SERINC5: variants seen among roughly 807,000 people sequenced by gnomAD.
The protein encoded by SERINC5 is serine incorporator 5.
SERINC5 carries 41 observed loss-of-function variants against 63.1 expected under a neutral mutation model. The observed-to-expected ratio is 0.65, with a 90% CI of 0.51 to 0.84. The LOEUF is 0.84. Among genes scored for constraint, SERINC5 ranks in the 40% least tolerant of loss-of-function variants. The pLI is 0.00. For synonymous variants in SERINC5, 222 were observed against 215.2 expected, an observed-to-expected ratio of 1.03 and a Z score of -0.28; for missense variants, 523 against 573.0, an observed-to-expected ratio of 0.91 and a Z score of 0.89.
intron 1 of SERINC5, among the ~76,000 whole-genome samples, chr5:80,228,591 G>A: frequency 6.6e-6 from 1 of 152,034 alleles, no homozygotes; most frequent in East Asian, 1.9e-4. Flanking sequence ...AAGTACTTAG[G>A]ACTACAGGCA....
At position 80,194,266 on chromosome 5, in the gene SERINC5, A is replaced by G. The variant is rs188524043; in HGVS notation, c.195+8620T>C. 3.7e-3 allele frequency among the ~76,000 whole-genome samples: 516 copies of G among 140,472 alleles called. 5 individuals carry two copies. Among genetic ancestry groups the G allele is most frequent in the African/African-American group, 0.016 (498 of 30,336 alleles). 92.2% of individuals were successfully genotyped at this position (140,472 alleles called of 152,430 possible). A position where few individuals can be genotyped will look rare whatever the true frequency, so the allele number is the denominator to read the frequency against. On this transcript the variant is annotated intron_variant, in intron 2 of 11. Coordinates refer to ENST00000507668, the MANE Select transcript of SERINC5 (RefSeq NM_001174072.3). ...ACAAAAGCATATAAGCGGAGAATGG[A>G]GAGAGTTCTACTTGAGGCTTCAATG... is the stretch of plus-strand genomic sequence containing the variant.
At chr5:80,241,822 C>T (rs1258631501) in intron 1 of SERINC5, among the ~76,000 whole-genome samples, 1 of 151,946 alleles carries the variant, frequency 6.6e-6, no homozygotes, top group Non-Finnish European at 1.5e-5. Flanking sequence ...TCCAAGCATC[C>T]AATTAAATGA....
At chr5:80,136,338 A>G (rs749228067), downstream of SERINC5, among the ~76,000 whole-genome samples, 15 of 152,188 alleles carry the variant, frequency 9.9e-5, no homozygotes, top group Admixed American at 2.0e-4. Context: ...TGTCACCAGC[A>G]TAAGGGCAGG....
rs556438506 is a variant in SERINC5 at position 80,162,947 on chromosome 5, G to A, written c.859+3436C>T. Reference sequence around the variant, plus strand: ...TGAGCCAAGATCCCTCCCCCTCCCAGGTTCAAGTGATTCTCCTGTCTCAGC... The same window carrying A: ...TGAGCCAAGATCCCTCCCCCTCCCAAGTTCAAGTGATTCTCCTGTCTCAGC... On this transcript the variant is annotated intron_variant, in intron 7 of 11. Transcript: ENST00000507668. Among the ~76,000 whole-genome samples, 20 of 151,840 alleles carry A rather than the reference G, an allele frequency of 1.3e-4. No homozygotes were observed. In the South Asian group the frequency reaches 4.2e-3, roughly 32 times the overall value.
intron 1 of SERINC5, among the ~76,000 whole-genome samples, chr5:80,203,605 A>C (rs1303829647): frequency 6.6e-6 from 1 of 152,280 alleles, no homozygotes; most frequent in East Asian, 1.9e-4. Flanking sequence ...GACCAGGAAA[A>C]AAGAAAACAA....
intron 2 of SERINC5, among the ~76,000 whole-genome samples, chr5:80,195,143 G>A (rs4351121): frequency 1.4e-4 from 21 of 151,886 alleles, no homozygotes; most frequent in South Asian, 4.2e-4. Flanking sequence ...AAAATTAGCC[G>A]AGTGTGATGG....
At chr5:80,232,448 G>A (rs971221835) in intron 1 of SERINC5, among the ~76,000 whole-genome samples, 1 of 149,488 alleles carries the variant, frequency 6.7e-6, no homozygotes, top group East Asian at 2.0e-4. Flanking sequence ...ATGATCATCA[G>A]CAAGGAATGG....
chr5:80,146,393 C>T (rs549402219), intron 10 of SERINC5, among the ~76,000 whole-genome samples, 159 bp from the exon 11 acceptor site: 15 of 152,326 alleles, frequency 9.8e-5, no homozygotes, highest in African/African-American at 3.4e-4. Flanking sequence ...AAGCACAAAA[C>T]CCCCACTCCA....
intron 7 of SERINC5, among the ~76,000 whole-genome samples, chr5:80,160,999 T>C (rs1056327614): frequency 6.7e-6 from 1 of 150,230 alleles, no homozygotes; most frequent in East Asian, 2.0e-4. Context: ...TATGTATATA[T>C]ATACGTGTAT....
At chr5:80,247,731 G>A (rs1016058660) in intron 1 of SERINC5, among the ~76,000 whole-genome samples, 3 of 152,190 alleles carry the variant, frequency 2.0e-5, no homozygotes, top group African/African-American at 7.2e-5. Flanking sequence ...GAGCTATACA[G>A]AGTAGTCCCT....
At chr5:80,143,902 C>T (rs1580055637) in intron 11 of SERINC5, 92 bp from the exon 12 acceptor site, 11 of 1,412,390 alleles carry the variant, frequency 7.8e-6, no homozygotes, top group South Asian at 4.0e-5. Flanking sequence ...TATAATTCAA[C>T]GGCTTTCAAT....
At chr5:80,148,692 A>T (rs532009903) in intron 9 of SERINC5, among the ~76,000 whole-genome samples, 1 of 151,948 alleles carries the variant, frequency 6.6e-6, no homozygotes, top group Admixed American at 6.6e-5. Flanking sequence ...AAAGAAAAAA[A>T]GTATGTGATT....
Position 80,143,442 on chromosome 5 carries a change from G to T in SERINC5, c.*221C>A. ...CCTAGGGGTAAGATATTTCAACCATGATCAGTTTGGTTGAAAATTTCAATT... is the reference window on the plus strand; with the variant it reads ...CCTAGGGGTAAGATATTTCAACCATTATCAGTTTGGTTGAAAATTTCAATT... On this transcript the variant is annotated 3_prime_UTR_variant, in exon 12 of 12. Coordinates refer to ENST00000507668, the MANE Select transcript of SERINC5 (RefSeq NM_001174072.3). 4 of 1,312,754 alleles carry T rather than the reference G, an allele frequency of 3.0e-6. No individual in the cohort carries two copies. The highest frequency in any genetic ancestry group is 3.9e-6 in the Non-Finnish European group (4 of 1,032,270). 81.3% of individuals were successfully genotyped at this position (1,312,754 alleles called of 1,614,324 possible).
intron 2 of SERINC5, among the ~76,000 whole-genome samples, chr5:80,190,668 A>C (rs1309395891): frequency 6.6e-6 from 1 of 152,204 alleles, no homozygotes; most frequent in African/African-American, 2.4e-5. Flanking sequence ...TATTTGAAGT[A>C]TTTTCATGGT....
chr5:80,153,150 A>C (rs1450549120), intron 8 of SERINC5, among the ~76,000 whole-genome samples: 1 of 152,022 alleles, frequency 6.6e-6, no homozygotes, highest in African/African-American at 2.4e-5. Flanking sequence ...GGTAGATGTT[A>C]CCCTACATTA....
At chr5:80,216,896 G>A (rs907290370) in intron 1 of SERINC5, among the ~76,000 whole-genome samples, 5 of 151,780 alleles carry the variant, frequency 3.3e-5, no homozygotes, top group African/African-American at 9.7e-5. Context: ...CTGTAGTCCC[G>A]GCTACTTGGA....
rs1261182573 is a variant in SERINC5 at position 80,121,437 on chromosome 5, CACTG to C, written c.1239-7816_1239-7813del. Among the ~76,000 whole-genome samples the C allele has an allele frequency of 8.5e-5, 13 of 152,270 alleles. No homozygotes were observed. The East Asian group carries it at 9.7e-4, about 11-fold the overall frequency. On this transcript the variant is annotated intron_variant, in intron 11 of 12. Coordinates refer to the SERINC5 transcript ENST00000509193. ...TGTCCCCTAGTTATTCACAAAAACTCACTGACTATCACAAGGTCAGCATCAAGGC... is the reference window on the plus strand; with the variant it reads ...TGTCCCCTAGTTATTCACAAAAACTCACTATCACAAGGTCAGCATCAAGGC...
Position 80,249,171 on chromosome 5 carries a change from C to T in SERINC5, c.27+6725G>A, listed in dbSNP as rs186901617. 3.5e-3 allele frequency among the ~76,000 whole-genome samples: 536 copies of T among 152,106 alleles called. 4 individuals carry two copies. The highest frequency in any genetic ancestry group is 2.2e-3 in the Non-Finnish European group (152 of 68,008). On this transcript the variant is annotated intron_variant, in intron 1 of 11. Coordinates refer to ENST00000507668, the MANE Select transcript of SERINC5 (RefSeq NM_001174072.3). Reference sequence around the variant, plus strand: ...CTACTAAAAATACAAAAAAATTAGCCGGGCGTGGTGATGGGTGCCTGTAGT... The same window carrying T: ...CTACTAAAAATACAAAAAAATTAGCTGGGCGTGGTGATGGGTGCCTGTAGT...
chr5:80,210,825 T>C (rs771215762), intron 1 of SERINC5, among the ~76,000 whole-genome samples: 1 of 152,154 alleles, frequency 6.6e-6, no homozygotes, highest in Non-Finnish European at 1.5e-5. Flanking sequence ...TGTCATCACT[T>C]GTAAGTCGAA....
Sources: gnomAD v4.1 joint callset for allele counts (sites outside exome capture counted in the v4.1 genomes callset) on GRCh38, gnomAD v4.1.1 for gene constraint, MANE v1.5 for transcripts, NCBI Gene and HGNC (gene_info 2026-07-23, HGNC 2026-07-21) for gene names.